Variants in SNAP91 observed in about 807,000 individuals in gnomAD.
SNAP91 encodes the protein clathrin coat assembly protein AP180.
Under a neutral mutation model 100.3 loss-of-function variants are expected in SNAP91, and 27 were observed. The ratio of observed to expected loss-of-function variants is 0.27; its 90% confidence interval spans 0.20 to 0.37. SNAP91 has a LOEUF of 0.37. Ranked by LOEUF, SNAP91 falls within the 10% of genes least tolerant of loss-of-function variation. SNAP91 has a pLI of 1.00. For synonymous variants in SNAP91, 404 were observed against 398.6 expected (o/e 1.01, Z -0.16); for missense variants, 986 against 1,123.7 (o/e 0.88, Z 1.75).
At chr6:83,629,980 T>C (rs1476075530) in intron 8 of SNAP91, among the ~76,000 whole-genome samples, 1 of 152,126 alleles carries the variant, frequency 6.6e-6, no homozygotes, top group Non-Finnish European at 1.5e-5. Flanking sequence ...TTATGCTGGT[T>C]GTGGGTTTGT....
In SNAP91 at chr6:83,593,523, C is replaced by T. The variant is rs377075958; in HGVS notation, c.1651G>A (p.Ala551Thr). 49 of 1,552,454 alleles carry T rather than the reference C, an allele frequency of 3.2e-5. 1 individual carries two copies. Among genetic ancestry groups the T allele is most frequent in the South Asian group, 1.4e-4 (12 of 84,262 alleles). Residue 551 changes from alanine to threonine, a missense_variant, in exon 18 of 30, where the codon GCT becomes ACT. Coordinates refer to ENST00000369694, the MANE Select transcript of SNAP91 (RefSeq NM_001242792.2). Reference protein sequence around the residue: ...AAATTTTTTSAATATTAPPAL... With the variant: ...AAATTTTTTSTATATTAPPAL... ...GGAGGAGCAGTGGTGGCGGTGGCAG[C>T]GGAGGTGGTGGTAGTGGTGGTGGCA...
chr6:83,678,676 G>A (rs576030512), intron 2 of SNAP91: 271 of 1,031,802 alleles, frequency 2.6e-4, no homozygotes, highest in Non-Finnish European at 3.5e-4. Context: ...TCACAGCACT[G>A]GATCTAACCT....
Position 83,610,695 on chromosome 6 carries a change from A to AT in SNAP91, c.885-19_885-18insA. 2 of 497,698 alleles carry AT rather than the reference A, an allele frequency of 4.0e-6. No homozygotes were observed. The highest frequency in any genetic ancestry group is 7.4e-6 in the Non-Finnish European group (2 of 269,884). 30.8% of individuals were successfully genotyped at this position (497,698 alleles called of 1,614,324 possible). ...CACCAGATCTAAAAGGCAACATAAA[A>AT]AAAAATTAAAACTGAATATATATAT... is the stretch of plus-strand genomic sequence containing the variant. On this transcript the variant is annotated intron_variant, in intron 11 of 29. Transcript: ENST00000369694.
At chr6:83,600,530 A>C (rs2095063713) in intron 16 of SNAP91, among the ~76,000 whole-genome samples, 1 of 152,240 alleles carries the variant, frequency 6.6e-6, no homozygotes, top group South Asian at 2.1e-4. Flanking sequence ...GGTACCACAC[A>C]GATGGGGATA....
intron 8 of SNAP91, among the ~76,000 whole-genome samples, chr6:83,629,273 T>C (rs1233710065): frequency 6.6e-6 from 1 of 152,160 alleles, no homozygotes; most frequent in Admixed American, 6.6e-5. Context: ...GGCCTTATAG[T>C]GTAGCTTGAA....
rs541946122 is a variant in SNAP91, at chr6:83,563,793, A to G, written c.2443-2846T>C. ...TCAACAATAAAATATTAAAAAATAA[A>G]TTTAACAGAAGTATGAGACTTGAAC... is the stretch of plus-strand genomic sequence containing the variant. On this transcript the variant is annotated intron_variant, in intron 26 of 29. Transcript: ENST00000369694. Among the ~76,000 whole-genome samples the G allele has an allele frequency of 1.6e-4, 24 of 152,354 alleles. No homozygotes were observed. The South Asian group carries it at 4.8e-3, about 30-fold the overall frequency.
intron 2 of SNAP91, among the ~76,000 whole-genome samples, chr6:83,699,778 C>A (rs1562733570): frequency 6.6e-6 from 1 of 152,146 alleles, no homozygotes; most frequent in South Asian, 2.1e-4. Context: ...GATTTGAATG[C>A]AGCCCCCGTC....
chr6:83,646,600 C>T (rs1283388437), intron 7 of SNAP91, among the ~76,000 whole-genome samples: 2 of 152,140 alleles, frequency 1.3e-5, no homozygotes, highest in African/African-American at 4.8e-5. Flanking sequence ...ATCTTGATTA[C>T]TGTAGTATTA....
At chr6:83,672,256 T>C (rs2098798291) in intron 2 of SNAP91, among the ~76,000 whole-genome samples, 1 of 152,098 alleles carries the variant, frequency 6.6e-6, no homozygotes, top group Admixed American at 6.6e-5. Context: ...CACGAAGTCT[T>C]TTCTGATATT....
chr6:83,583,315 C>A (rs1358934914), intron 22 of SNAP91, among the ~76,000 whole-genome samples: 1 of 152,124 alleles, frequency 6.6e-6, no homozygotes, highest in African/African-American at 2.4e-5. Context: ...CTTTTTGAGG[C>A]CAGGAACTGT....
At chr6:83,594,617 T>A (rs1191564866) in intron 16 of SNAP91, 136 bp from the exon 17 acceptor site, 1 of 567,526 alleles carries the variant, frequency 1.8e-6, no homozygotes, top group Non-Finnish European at 3.1e-6. Flanking sequence ...TTATGGCCCA[T>A]GCGCTGTCGG....
At chr6:83,643,017 T>G (rs530754091) in intron 7 of SNAP91, among the ~76,000 whole-genome samples, 18 of 152,218 alleles carry the variant, frequency 1.2e-4, no homozygotes, top group Admixed American at 2.6e-4. Context: ...CATATCCTTT[T>G]CCCACTTTTT....
At chr6:83,596,036 A>G (rs2094438231) in intron 16 of SNAP91, among the ~76,000 whole-genome samples, 1 of 152,144 alleles carries the variant, frequency 6.6e-6, no homozygotes, top group South Asian at 2.1e-4. Flanking sequence ...CCTCTTTGTT[A>G]TACTGAGGAA....
At chr6:83,557,484 A>G (rs908940734) in intron 28 of SNAP91, among the ~76,000 whole-genome samples, 2 of 151,906 alleles carry the variant, frequency 1.3e-5, no homozygotes, top group African/African-American at 4.8e-5. Flanking sequence ...CCTGGGCAAC[A>G]AGGCAAGGCC....
intron 8 of SNAP91, among the ~76,000 whole-genome samples, chr6:83,634,780 T>C (rs1200387988): frequency 6.6e-6 from 1 of 152,212 alleles, no homozygotes; most frequent in Admixed American, 6.5e-5. Flanking sequence ...AGGTGTTTAG[T>C]GCTATAAACT....
chr6:83,708,505 T>C (rs1240759041), intron 1 of SNAP91: 2 of 152,566 alleles, frequency 1.3e-5, no homozygotes, highest in African/African-American at 2.4e-5. Context: ...TATCCTAGCG[T>C]TGCGCCATGT....
chr6:83,645,204 T>G (rs894693264), intron 7 of SNAP91, among the ~76,000 whole-genome samples: 1 of 152,140 alleles, frequency 6.6e-6, no homozygotes, highest in East Asian at 1.9e-4. Context: ...AAATGGACCT[T>G]TACCATAGTG....
chr6:83,635,492 T>C (rs1466380234), intron 8 of SNAP91, among the ~76,000 whole-genome samples: 1 of 152,198 alleles, frequency 6.6e-6, no homozygotes, highest in Admixed American at 6.5e-5. Context: ...TTTTATCTGA[T>C]ACAAGAGCAA....
intron 7 of SNAP91, among the ~76,000 whole-genome samples, chr6:83,654,997 C>T (rs1366355130): frequency 6.6e-6 from 1 of 152,148 alleles, no homozygotes; most frequent in Non-Finnish European, 1.5e-5. Flanking sequence ...GGATATCAAC[C>T]TCTTTGGCTG....
Sources: gnomAD v4.1 joint callset for allele counts (sites outside exome capture counted in the v4.1 genomes callset) on GRCh38, gnomAD v4.1.1 for gene constraint, MANE v1.5 for transcripts, NCBI Gene and HGNC (gene_info 2026-07-23, HGNC 2026-07-21) for gene names.